Variants in MEF2C observed in about 807,000 individuals in gnomAD.
MEF2C encodes myocyte-specific enhancer factor 2C.
A neutral mutation model predicts 50.5 loss-of-function variants in MEF2C; 6 were observed. That is an observed-to-expected ratio of 0.12 (90% confidence interval 0.07 to 0.23). The LOEUF (loss-of-function observed/expected upper bound fraction) is 0.23. Among genes scored for constraint, MEF2C ranks in the 10% least tolerant of loss-of-function variants. The pLI, the probability that MEF2C is intolerant of heterozygous loss-of-function variation, is 1.00. For synonymous variants in MEF2C, 183 were observed against 228.0 expected, an observed-to-expected ratio of 0.80 and a Z score of 1.78; for missense variants, 276 against 605.0, an observed-to-expected ratio of 0.46 and a Z score of 5.70.
At chr5:88,740,309 G>A (rs1025128764) in intron 6 of MEF2C, 33 of 981,440 alleles carry the variant, frequency 3.4e-5, no homozygotes, top group East Asian at 1.2e-4. Flanking sequence ...AGCTTTTAAC[G>A]TACAGCACAT....
chr5:88,886,254 AAGT>A (rs1026364676), upstream of MEF2C, among the ~76,000 whole-genome samples: 3 of 152,194 alleles, frequency 2.0e-5, no homozygotes, highest in Non-Finnish European at 4.4e-5. Context: ...GTAATCCACA[AAGT>A]AGTTAATCCA....
At chr5:88,817,076 A>T (rs951441989) in intron 2 of MEF2C, among the ~76,000 whole-genome samples, 1 of 151,994 alleles carries the variant, frequency 6.6e-6, no homozygotes, top group African/African-American at 2.4e-5. Flanking sequence ...TCTTCCATCT[A>T]TTCTCCAACT....
At chr5:88,884,238 C>G (rs993598584), upstream of MEF2C, 5 of 152,198 alleles carry the variant, frequency 3.3e-5, no homozygotes, top group Non-Finnish European at 7.3e-5. Context: ...GAGCGCGACC[C>G]TAATAGTTGC....
chr5:88,872,988 C>T (rs1829982628), intron 1 of MEF2C, among the ~76,000 whole-genome samples: 1 of 151,854 alleles, frequency 6.6e-6, no homozygotes, highest in African/African-American at 2.4e-5. Flanking sequence ...GAGAGTGTAT[C>T]TTCATCCTTT....
chr5:88,836,884 C>T (rs538245311), intron 1 of MEF2C, among the ~76,000 whole-genome samples: 9 of 151,678 alleles, frequency 5.9e-5, no homozygotes, highest in African/African-American at 9.7e-5. Context: ...AAAGCACTCT[C>T]GGGTGGAGGC....
intron 6 of MEF2C, chr5:88,741,563 T>A: frequency 1.0e-6 from 1 of 985,380 alleles, no homozygotes; most frequent in South Asian, 4.7e-5. Flanking sequence ...TAGAGCCAAC[T>A]AAAGATTCAG....
At chr5:88,825,478 C>T (rs1364603516) in intron 1 of MEF2C, 3 of 983,356 alleles carry the variant, frequency 3.1e-6, no homozygotes, top group Non-Finnish European at 3.6e-6. Flanking sequence ...ACTATTGCTC[C>T]AGCTGTAATT....
chr5:88,733,388 C>G, intron 6 of MEF2C: 1 of 983,392 alleles, frequency 1.0e-6, no homozygotes, highest in Non-Finnish European at 1.2e-6. Context: ...GGCTAAAAGT[C>G]CTTGGGTTTA....
At chr5:88,811,208 T>G (rs1164622655) in intron 2 of MEF2C, among the ~76,000 whole-genome samples, 1 of 152,034 alleles carries the variant, frequency 6.6e-6, no homozygotes, top group Admixed American at 6.6e-5. Context: ...GAGGAACCAT[T>G]GAAAGAATCT....
At chr5:88,783,483 T>A (rs931840399) in intron 3 of MEF2C, among the ~76,000 whole-genome samples, 1 of 151,504 alleles carries the variant, frequency 6.6e-6, no homozygotes, top group Non-Finnish European at 1.5e-5. Flanking sequence ...ACAAAAAAAA[T>A]TTAGCTGGGC....
intron 6 of MEF2C, chr5:88,742,829 A>C: frequency 1.0e-6 from 1 of 984,734 alleles, no homozygotes; most frequent in Non-Finnish European, 1.2e-6. Context: ...GAAAGTGAAC[A>C]CTGATTTTCT....
intron 5 of MEF2C, chr5:88,751,231 T>TG (rs1772566163): frequency 7.1e-6 from 7 of 985,282 alleles, no homozygotes; most frequent in Non-Finnish European, 8.4e-6. Flanking sequence ...ATTTTTCTCT[T>TG]GGACACTGTG....
chr5:88,795,484 T>C (rs1318926980), intron 3 of MEF2C, among the ~76,000 whole-genome samples: 6 of 152,216 alleles, frequency 3.9e-5, no homozygotes, highest in South Asian at 2.1e-4. Context: ...TTTTGCACAT[T>C]CATTTTGTAT....
chr5:88,760,901 A>G (rs1276171501), intron 4 of MEF2C: 2 of 1,408,688 alleles, frequency 1.4e-6, no homozygotes, highest in African/African-American at 2.9e-5. Flanking sequence ...CTTTCCGAAG[A>G]GTCTTAGAGA....
At chr5:88,817,953 T>C (rs1246973326) in intron 2 of MEF2C, 1 of 151,956 alleles carries the variant, frequency 6.6e-6, no homozygotes, top group Non-Finnish European at 1.5e-5. Flanking sequence ...AAGAGTCATA[T>C]AAGGACAATA....
At chr5:88,864,232 T>C (rs1003399617) in intron 1 of MEF2C, among the ~76,000 whole-genome samples, 1 of 151,766 alleles carries the variant, frequency 6.6e-6, no homozygotes, top group Non-Finnish European at 1.5e-5. Flanking sequence ...TTTGAGGTGA[T>C]AGTTATGTTA....
rs1229514591 is a variant in MEF2C, at chr5:88,749,141, A to C, written c.590-24T>G. The C allele has an allele frequency of 4.5e-6, 7 of 1,552,762 alleles. No homozygotes were observed. The Admixed American group carries it at 1.4e-4, about 31-fold the overall frequency. ...ACCTATGGATTAAAGAGGAAGATCA[A>C]AACGAGAAAGGCTAAAGGCCCACAG... On this transcript the variant is annotated intron_variant, in intron 5 of 10. Transcript: ENST00000504921.
rs747055522 is a variant in MEF2C at position 88,850,707 on chromosome 5, TAC to T, written c.-142-26779_-142-26778del. 3.2e-4 allele frequency among the ~76,000 whole-genome samples: 49 copies of T among 151,360 alleles called. No individual in the cohort carries two copies. The East Asian group carries it at 5.4e-3, about 17-fold the overall frequency. On this transcript the variant is annotated intron_variant, in intron 1 of 10. Coordinates refer to ENST00000504921, the MANE Select transcript of MEF2C (RefSeq NM_002397.5). The stretch of plus-strand genomic sequence containing the variant: ...ACACACACGCACACACATATACACA[TAC>T]ACACACACACATATATATGCACACA...
At chr5:88,769,692 T>C (rs1681914153) in intron 3 of MEF2C, among the ~76,000 whole-genome samples, 1 of 152,256 alleles carries the variant, frequency 6.6e-6, no homozygotes, top group South Asian at 2.1e-4. Flanking sequence ...TCACCCAGGC[T>C]GGAGTGCAGC....
Sources: allele counts gnomAD v4.1 joint callset (sites outside exome capture counted in the v4.1 genomes callset), GRCh38; gene constraint gnomAD v4.1.1; transcripts MANE v1.5; gene names NCBI Gene and HGNC (gene_info 2026-07-23, HGNC 2026-07-21).